EPHA6: variants seen among roughly 807,000 people sequenced by gnomAD.
EPHA6 encodes the protein ephrin type-A receptor 6.
In EPHA6, 50 loss-of-function variants were observed where a neutral mutation model predicts 112.0. That is an observed-to-expected ratio of 0.45 (90% CI 0.36 to 0.56). The LOEUF (loss-of-function observed/expected upper bound fraction) is 0.56, where lower values mean the gene tolerates loss of function less well. Ranked by LOEUF, EPHA6 falls within the 20% of genes least tolerant of loss-of-function variation. The pLI is 0.00. For missense variants in EPHA6, 1,280 were observed against 1,417.4 expected, an observed-to-expected ratio of 0.90 and a Z score of 1.56; for synonymous variants, 529 against 490.7, an observed-to-expected ratio of 1.08 and a Z score of -1.03.
intron 3 of EPHA6, among the ~76,000 whole-genome samples, chr3:97,179,646 G>A (rs576993464): frequency 6.6e-6 from 1 of 151,266 alleles, no homozygotes; most frequent in African/African-American, 2.4e-5. Context: ...TCTTGGACAA[G>A]GTCCAGGAGA....
Position 97,067,461 on chromosome 3 carries a change from G to C in EPHA6, c.1114+79468G>C, listed in dbSNP as rs548979438. 1.6e-4 allele frequency among the ~76,000 whole-genome samples: 25 copies of C among 152,042 alleles called. No individual in the cohort carries two copies. The South Asian group carries it at 5.0e-3, about 30-fold the overall frequency. On this transcript the variant is annotated intron_variant, in intron 3 of 17. Transcript: ENST00000389672. ...TGAAAGCTAGACATTTGGATCTGAT[G>C]CTGAAAAGAGAAGAGTGAAGTAAGT...
At chr3:97,125,535 A>G (rs958943564) in intron 3 of EPHA6, among the ~76,000 whole-genome samples, 1 of 152,298 alleles carries the variant, frequency 6.6e-6, no homozygotes, top group East Asian at 1.9e-4. Context: ...GAGAGGAAAC[A>G]TGGAGCTGTT....
chr3:97,476,097 C>T (rs13064480), intron 8 of EPHA6, among the ~76,000 whole-genome samples: 1 of 151,954 alleles, frequency 6.6e-6, no homozygotes, highest in South Asian at 2.1e-4. Flanking sequence ...AGTATGAATA[C>T]CATAATCCAG....
In EPHA6 at chr3:97,760,074, G is replaced by C. The variant is rs2036120368; in HGVS notation, c.*11373G>C. On this transcript the variant is annotated 3_prime_UTR_variant, in exon 18 of 18. Coordinates refer to ENST00000389672, the MANE Select transcript of EPHA6 (RefSeq NM_001080448.3). ...TCAAACTTAAAATTAGCTTAATCCT[G>C]AAAGATGTATATTGCATAATCAACC... 3.8e-5 allele frequency: 7 copies of C among 183,458 alleles called. No homozygotes were observed. In the East Asian group the frequency reaches 6.2e-4, roughly 16 times the overall value. 11.4% of individuals were successfully genotyped at this position (183,458 alleles called of 1,614,324 possible).
At chr3:97,644,462 GAC>G (rs1447028770) in intron 14 of EPHA6, among the ~76,000 whole-genome samples, 1 of 151,016 alleles carries the variant, frequency 6.6e-6, no homozygotes, top group Non-Finnish European at 1.5e-5. Flanking sequence ...AGGAAATAGA[GAC>G]ACAAAAAACC....
At chr3:97,138,948 C>T (rs1281916801) in intron 3 of EPHA6, among the ~76,000 whole-genome samples, 7 of 152,204 alleles carry the variant, frequency 4.6e-5, no homozygotes, top group African/African-American at 1.7e-4. Context: ...TGTCCCAGTG[C>T]CACCTGATAT....
At chr3:97,566,382 A>T (rs1415039043) in intron 11 of EPHA6, among the ~76,000 whole-genome samples, 2 of 152,196 alleles carry the variant, frequency 1.3e-5, no homozygotes, top group African/African-American at 4.8e-5. Flanking sequence ...TCCAAACTAT[A>T]TCAGTACTCA....
intron 5 of EPHA6, among the ~76,000 whole-genome samples, chr3:97,261,044 C>G (rs1374690304): frequency 2.6e-5 from 4 of 152,114 alleles, no homozygotes; most frequent in African/African-American, 9.7e-5. Flanking sequence ...TATCTTGAAA[C>G]AAGTAGTCTA....
chr3:97,221,520 T>C (rs2078200464), intron 3 of EPHA6, among the ~76,000 whole-genome samples: 1 of 151,928 alleles, frequency 6.6e-6, no homozygotes, highest in Non-Finnish European at 1.5e-5. Flanking sequence ...TCCTATAATA[T>C]AAACAGAAAA....
intron 14 of EPHA6, among the ~76,000 whole-genome samples, chr3:97,652,364 G>C (rs953752011): frequency 1.1e-4 from 16 of 151,970 alleles, no homozygotes; most frequent in Non-Finnish European, 2.9e-5. Flanking sequence ...GACCCTATTG[G>C]CTGCCCATTC....
At chr3:97,096,292 C>CACAT (rs1553702998) in intron 3 of EPHA6, among the ~76,000 whole-genome samples, 6 of 151,124 alleles carry the variant, frequency 4.0e-5, no homozygotes, top group Non-Finnish European at 8.9e-5. Flanking sequence ...CACACACACA[C>CACAT]ATATATATAC....
chr3:96,968,596 A>C (rs1429397323), intron 2 of EPHA6, among the ~76,000 whole-genome samples: 1 of 151,820 alleles, frequency 6.6e-6, no homozygotes, highest in Non-Finnish European at 1.5e-5. Context: ...GTACCTAAGT[A>C]CATTGGATCC....
intron 4 of EPHA6, among the ~76,000 whole-genome samples, chr3:97,230,926 C>A (rs959582475): frequency 1.3e-5 from 2 of 152,092 alleles, no homozygotes; most frequent in African/African-American, 4.8e-5. Flanking sequence ...CCTGAGAAGA[C>A]AGAGAGATAC....
intron 14 of EPHA6, among the ~76,000 whole-genome samples, chr3:97,709,751 C>A (rs949763299): frequency 6.6e-6 from 1 of 152,098 alleles, no homozygotes; most frequent in African/African-American, 2.4e-5. Context: ...GGGGCAGTCT[C>A]CCCCCATGCT....
At chr3:97,208,628 C>T (rs1352187139) in intron 3 of EPHA6, among the ~76,000 whole-genome samples, 1 of 151,860 alleles carries the variant, frequency 6.6e-6, no homozygotes, top group Non-Finnish European at 1.5e-5. Context: ...ATGCCTGTAG[C>T]CCCAGTTACT....
At chr3:97,606,199 G>T (rs1431385345) in intron 12 of EPHA6, 1 of 151,322 alleles carries the variant, frequency 6.6e-6, no homozygotes, top group Non-Finnish European at 1.5e-5. Flanking sequence ...CAGAGATCTT[G>T]TATTGATTGA....
At chr3:97,085,948 T>TATATATATATATACAC (rs984404779) in intron 3 of EPHA6, among the ~76,000 whole-genome samples, 50 of 145,170 alleles carry the variant, frequency 3.4e-4, no homozygotes, top group African/African-American at 9.1e-4. Flanking sequence ...TATATATATA[T>TATATATATATATACAC]ACACACTGAG....
At position 97,680,368 on chromosome 3, in the gene EPHA6, C is replaced by A. The variant is rs116776776; in HGVS notation, c.2785-39893C>A. Among the ~76,000 whole-genome samples the A allele has an allele frequency of 1.0e-3, 159 of 152,302 alleles. 1 individual carries two copies. The highest frequency in any genetic ancestry group is 2.9e-3 in the South Asian group (14 of 4,834). ...GCCCAGCCCACAAGCATGCCACCAG[C>A]CATTGCTGATGTTATTTAGGACCTC... On this transcript the variant is annotated intron_variant, in intron 14 of 17. Coordinates refer to ENST00000389672, the MANE Select transcript of EPHA6 (RefSeq NM_001080448.3).
intron 3 of EPHA6, among the ~76,000 whole-genome samples, chr3:97,141,130 G>A (rs1224001558): frequency 6.6e-6 from 1 of 152,098 alleles, no homozygotes; most frequent in Non-Finnish European, 1.5e-5. Flanking sequence ...AATTCAACAA[G>A]AAGATATATC....
Sources: gnomAD v4.1 joint callset for allele counts (sites outside exome capture counted in the v4.1 genomes callset) on GRCh38, gnomAD v4.1.1 for gene constraint, MANE v1.5 for transcripts, NCBI Gene and HGNC (gene_info 2026-07-23, HGNC 2026-07-21) for gene names.